The following CHRM2 variants were observed in gnomAD, a reference collection of about 807,000 sequenced individuals.
CHRM2 encodes muscarinic acetylcholine receptor M2.
Under a neutral mutation model 25.0 loss-of-function variants are expected in CHRM2, and 8 were observed. The observed-to-expected ratio is 0.32, with a 90% CI of 0.19 to 0.58. CHRM2 has a LOEUF of 0.58. CHRM2 is among the 20% of genes least tolerant of loss of function. The pLI, the probability that CHRM2 is intolerant of heterozygous loss-of-function variation, is 0.88. For missense variants in CHRM2, 440 were observed against 567.1 expected (o/e 0.78, Z 2.28); for synonymous variants, 202 against 205.7 (o/e 0.98, Z 0.15).
At chr7:136,879,179 T>G (rs1796163073) in intron 2 of CHRM2, among the ~76,000 whole-genome samples, 1 of 151,944 alleles carries the variant, frequency 6.6e-6, no homozygotes, top group South Asian at 2.1e-4. Flanking sequence ...GGTATGAAAT[T>G]TCCAAGGCAT....
intron 2 of CHRM2, chr7:136,914,428 C>A (rs1364041825): frequency 6.6e-6 from 1 of 151,922 alleles, no homozygotes; most frequent in Non-Finnish European, 1.5e-5. Context: ...TACTATAAGG[C>A]ATTCACATTG....
intron 2 of CHRM2, among the ~76,000 whole-genome samples, chr7:136,955,414 G>A (rs1298972701): frequency 1.3e-5 from 2 of 152,070 alleles, no homozygotes; most frequent in African/African-American, 2.4e-5. Context: ...CATTCTACCT[G>A]GCTCCTAATT....
intron 2 of CHRM2, among the ~76,000 whole-genome samples, chr7:136,959,215 A>T (rs1258841230): frequency 6.6e-6 from 1 of 152,232 alleles, no homozygotes; most frequent in Non-Finnish European, 1.5e-5. Context: ...TTTACCCACC[A>T]ATAAATCTAT....
At chr7:136,975,921 A>C (rs1019341645) in intron 2 of CHRM2, among the ~76,000 whole-genome samples, 1 of 152,192 alleles carries the variant, frequency 6.6e-6, no homozygotes, top group Non-Finnish European at 1.5e-5. Context: ...ATTTTCAAGG[A>C]GAATGTATTC....
chr7:136,990,168 C>T (rs1368700110), intron 2 of CHRM2, among the ~76,000 whole-genome samples: 1 of 152,146 alleles, frequency 6.6e-6, no homozygotes, highest in African/African-American at 2.4e-5. Context: ...CCATTTTCAA[C>T]ATCCTCTATC....
intron 2 of CHRM2, among the ~76,000 whole-genome samples, chr7:136,893,261 G>A (rs1297565594): frequency 6.6e-6 from 1 of 151,940 alleles, no homozygotes. Flanking sequence ...GTCTTTGTGG[G>A]CCTGCTTCCT....
chr7:137,006,164 T>C (rs1193774648), intron 3 of CHRM2, among the ~76,000 whole-genome samples: 10 of 152,166 alleles, frequency 6.6e-5, no homozygotes, highest in Admixed American at 3.3e-4. Flanking sequence ...AAAAGGTGGA[T>C]GCAGAAGTCC....
At chr7:136,936,831 A>G (rs1055061397) in intron 2 of CHRM2, among the ~76,000 whole-genome samples, 1 of 152,102 alleles carries the variant, frequency 6.6e-6, no homozygotes, top group South Asian at 2.1e-4. Context: ...TTACCCTTCT[A>G]TGTTTCTACT....
At chr7:137,011,150 A>ATTAG (rs201095117) in intron 3 of CHRM2, among the ~76,000 whole-genome samples, 2,517 of 151,074 alleles carry the variant, frequency 0.017, 86 homozygotes, top group African/African-American at 0.058. Context: ...CCAAATCTGT[A>ATTAG]TTAGGAATCT....
At chr7:136,925,494 C>G (rs1798692433) in intron 2 of CHRM2, among the ~76,000 whole-genome samples, 1 of 151,896 alleles carries the variant, frequency 6.6e-6, no homozygotes, top group South Asian at 2.1e-4. Context: ...ATTGATTATT[C>G]TTTCATTTTG....
At chr7:136,884,854 C>T (rs1190331159) in intron 2 of CHRM2, among the ~76,000 whole-genome samples, 4 of 152,184 alleles carry the variant, frequency 2.6e-5, no homozygotes, top group Admixed American at 2.0e-4. Flanking sequence ...AATAAAGCAG[C>T]TCATCTTTAC....
chr7:136,912,045 T>C (rs1797870906), intron 2 of CHRM2, among the ~76,000 whole-genome samples: 1 of 151,936 alleles, frequency 6.6e-6, no homozygotes, highest in Non-Finnish European at 1.5e-5. Context: ...TTTATTACAA[T>C]TTTGTCTTTG....
intron 2 of CHRM2, among the ~76,000 whole-genome samples, chr7:136,981,994 C>T (rs941197409): frequency 2.6e-4 from 40 of 151,976 alleles, no homozygotes; most frequent in Admixed American, 5.9e-4. Flanking sequence ...TTCAAGTCTT[C>T]AATATCCTTG....
intron 2 of CHRM2, chr7:136,902,188 C>T (rs113632916): frequency 6.7e-6 from 1 of 149,962 alleles, no homozygotes; most frequent in African/African-American, 2.5e-5. Flanking sequence ...CTTTTAAACT[C>T]ATCTATCTAT....
chr7:136,994,452 G>A (rs1803438855), intron 3 of CHRM2, among the ~76,000 whole-genome samples: 1 of 149,632 alleles, frequency 6.7e-6, no homozygotes, highest in Admixed American at 6.7e-5. Flanking sequence ...TTTCTTATTT[G>A]ATAGAGAGGT....
intron 2 of CHRM2, among the ~76,000 whole-genome samples, chr7:136,964,237 A>G (rs1414100067): frequency 6.6e-6 from 1 of 152,052 alleles, no homozygotes; most frequent in African/African-American, 2.4e-5. Context: ...ATATATATAT[A>G]TGTTTTTAAA....
rs1041547623 is a variant in CHRM2 at position 136,965,764 on chromosome 7, A to C, written c.-124-26423A>C. 5.5e-4 allele frequency among the ~76,000 whole-genome samples: 83 copies of C among 152,068 alleles called. 1 individual carries two copies. Among genetic ancestry groups the C allele is most frequent in the Non-Finnish European group, 1.1e-3 (72 of 67,934 alleles). ...CAAAAGCCATTATTATGATGCATTC[A>C]TGTATTAAAGAGATACACATAAAAA... is the stretch of plus-strand genomic sequence containing the variant. On this transcript the variant is annotated intron_variant, in intron 2 of 3. Transcript: ENST00000680005.
chr7:137,006,675 G>A (rs1369787518), intron 3 of CHRM2, among the ~76,000 whole-genome samples: 2 of 151,652 alleles, frequency 1.3e-5, no homozygotes, highest in Non-Finnish European at 2.9e-5. Flanking sequence ...TTTCACAAAA[G>A]TGCAACTCAC....
chr7:136,905,603 T>G (rs745865824), intron 2 of CHRM2, among the ~76,000 whole-genome samples: 11 of 151,792 alleles, frequency 7.2e-5, no homozygotes, highest in Non-Finnish European at 1.3e-4. Flanking sequence ...AAAGAATTTG[T>G]CATCATTTTA....
Sources: gnomAD v4.1 joint callset for allele counts (sites outside exome capture counted in the v4.1 genomes callset) on GRCh38, gnomAD v4.1.1 for gene constraint, MANE v1.5 for transcripts, NCBI Gene and HGNC (gene_info 2026-07-23, HGNC 2026-07-21) for gene names.